The following RGS20 variants were observed in gnomAD, a reference collection of about 807,000 sequenced individuals.
RGS20 encodes the protein gz-selective GTPase-activating protein.
A neutral mutation model predicts 33.6 loss-of-function variants in RGS20; 30 were observed. The observed-to-expected ratio is 0.89, with a 90% CI of 0.67 to 1.21. The LOEUF (loss-of-function observed/expected upper bound fraction) is 1.21, where lower values mean the gene tolerates loss of function less well. Ranked by LOEUF, RGS20 falls within the 50% of genes most tolerant of loss-of-function variation. The pLI, the probability that RGS20 is intolerant of heterozygous loss-of-function variation, is 0.00. For synonymous variants in RGS20, 208 were observed against 197.9 expected (o/e 1.05, Z -0.43); for missense variants, 472 against 502.4 (o/e 0.94, Z 0.58).
chr8:53,914,125 G>A (rs566344840), intron 2 of RGS20, among the ~76,000 whole-genome samples: 2 of 148,802 alleles, frequency 1.3e-5, no homozygotes, highest in Admixed American at 1.3e-4. Context: ...CAAACTTCTG[G>A]GCTAAAGTGA....
intron 1 of RGS20, among the ~76,000 whole-genome samples, chr8:53,878,737 G>C (rs73680348): frequency 0.01 from 1,565 of 152,208 alleles, 15 homozygotes; most frequent in African/African-American, 0.026. Flanking sequence ...GAATCTAGTA[G>C]CCAAGGCCAA....
At chr8:53,897,140 G>GTTTTTTTTTTTTTTT in intron 2 of RGS20, among the ~76,000 whole-genome samples, 1 of 152,338 alleles carries the variant, frequency 6.6e-6, no homozygotes, top group East Asian at 1.9e-4. Flanking sequence ...CACATCTTTT[G>GTTTTTTTTTTTTTTT]TACATTTTTA....
chr8:53,939,538 A>G, intron 2 of RGS20, 38 bp from the exon 2 acceptor site: 2 of 1,447,530 alleles, frequency 1.4e-6, no homozygotes, highest in Non-Finnish European at 1.8e-6. Flanking sequence ...TAACGCTGGA[A>G]CCCCCTCCCG....
intron 1 of RGS20, chr8:53,879,229 C>T (rs780053251): frequency 6.3e-7 from 1 of 1,589,274 alleles, no homozygotes. Flanking sequence ...TAACCGTATG[C>T]TGGTTTTGTT....
At chr8:53,926,611 A>G (rs1199528900) in intron 2 of RGS20, among the ~76,000 whole-genome samples, 1 of 152,212 alleles carries the variant, frequency 6.6e-6, no homozygotes, top group African/African-American at 2.4e-5. Flanking sequence ...TTACCAGAAA[A>G]TAAGAAAGAA....
At chr8:53,893,775 CA>C (rs1342329333) in intron 2 of RGS20, among the ~76,000 whole-genome samples, 2 of 152,098 alleles carry the variant, frequency 1.3e-5, no homozygotes, top group Non-Finnish European at 2.9e-5. Context: ...TACTTATTAA[CA>C]AAAACACCAG....
At chr8:53,887,565 C>G (rs1245520645) in intron 2 of RGS20, among the ~76,000 whole-genome samples, 3 of 152,200 alleles carry the variant, frequency 2.0e-5, no homozygotes, top group Admixed American at 2.0e-4. Flanking sequence ...GGAGAGGGTG[C>G]TGGCCAGAGA....
chr8:53,881,620 C>A (rs1454334399), intron 2 of RGS20, among the ~76,000 whole-genome samples: 1 of 152,050 alleles, frequency 6.6e-6, no homozygotes, highest in Non-Finnish European at 1.5e-5. Context: ...AGGGCAGGGG[C>A]ACCGAGGGGC....
intron 2 of RGS20, among the ~76,000 whole-genome samples, chr8:53,900,970 G>A (rs2129280556): frequency 6.6e-6 from 1 of 152,066 alleles, no homozygotes; most frequent in East Asian, 1.9e-4. Context: ...CTGGCTCCAT[G>A]GGACACTCCT....
intron 1 of RGS20, among the ~76,000 whole-genome samples, chr8:53,862,304 G>A (rs1811826902): frequency 6.6e-6 from 1 of 152,102 alleles, no homozygotes; most frequent in Non-Finnish European, 1.5e-5. Context: ...GAAATCTACA[G>A]GGAACACTCA....
At chr8:53,863,347 G>A (rs957429069) in intron 1 of RGS20, among the ~76,000 whole-genome samples, 21 of 152,128 alleles carry the variant, frequency 1.4e-4, no homozygotes, top group Non-Finnish European at 2.6e-4. Flanking sequence ...TCCCTTCTTG[G>A]AATACAGCCC....
chr8:53,943,491 G>A (rs1032043718), intron 3 of RGS20, among the ~76,000 whole-genome samples: 2 of 151,914 alleles, frequency 1.3e-5, no homozygotes, highest in East Asian at 3.9e-4. Flanking sequence ...CTGGCCATGG[G>A]TCTTCTTTTA....
chr8:53,922,641 A>G (rs1347707068), intron 2 of RGS20, among the ~76,000 whole-genome samples: 1 of 151,588 alleles, frequency 6.6e-6, no homozygotes, highest in Admixed American at 6.6e-5. Context: ...ATTTTACTTT[A>G]GTTATTTTTT....
intron 3 of RGS20, among the ~76,000 whole-genome samples, chr8:53,942,046 G>A (rs144387244): frequency 2.3e-3 from 347 of 152,288 alleles, no homozygotes; most frequent in African/African-American, 7.8e-3. Context: ...GGCCGAGGCC[G>A]GCAGATCACA....
chr8:53,912,223 T>G (rs1471279785), intron 2 of RGS20, among the ~76,000 whole-genome samples: 3 of 152,128 alleles, frequency 2.0e-5, no homozygotes, highest in African/African-American at 7.2e-5. Context: ...AGTATCCCAG[T>G]TCTATTGATG....
intron 2 of RGS20, among the ~76,000 whole-genome samples, chr8:53,909,055 A>T (rs1359754773): frequency 6.6e-6 from 1 of 151,054 alleles, no homozygotes; most frequent in Non-Finnish European, 1.5e-5. Context: ...ATGAATTATC[A>T]TATTTATTCC....
chr8:53,904,466 T>C (rs1224606611), intron 2 of RGS20, among the ~76,000 whole-genome samples: 1 of 152,218 alleles, frequency 6.6e-6, no homozygotes, highest in Non-Finnish European at 1.5e-5. Flanking sequence ...TTTTCTATGA[T>C]GTAAGTGATT....
intron 1 of RGS20, among the ~76,000 whole-genome samples, chr8:53,874,416 T>A (rs73680341): frequency 0.079 from 11,858 of 150,584 alleles, 990 homozygotes; most frequent in East Asian, 0.32. Context: ...GCGCGTGTGC[T>A]TGCGTGCATC....
chr8:53,940,714 C>T (rs911503860), intron 3 of RGS20, among the ~76,000 whole-genome samples: 1 of 152,282 alleles, frequency 6.6e-6, no homozygotes. Flanking sequence ...ATCCCGATAC[C>T]GATGGTCTCT....
Sources: gnomAD v4.1 joint callset for allele counts (sites outside exome capture counted in the v4.1 genomes callset) on GRCh38, gnomAD v4.1.1 for gene constraint, MANE v1.5 for transcripts, NCBI Gene and HGNC (gene_info 2026-07-23, HGNC 2026-07-21) for gene names.